Variants in SLIT2 observed in about 807,000 individuals in gnomAD.
SLIT2 encodes slit homolog 2 protein.
In SLIT2, 41 loss-of-function variants were observed where a neutral mutation model predicts 185.7. The observed-to-expected ratio is 0.22, with a 90% CI of 0.17 to 0.29. SLIT2 has a LOEUF of 0.29. Among genes scored for constraint, SLIT2 ranks in the 10% least tolerant of loss-of-function variants. The pLI is 1.00. For missense variants in SLIT2, 1,571 were observed against 1,909.0 expected (o/e 0.82, Z 3.30); for synonymous variants, 693 against 680.2 (o/e 1.02, Z -0.29).
chr4:20,538,819 T>C (rs953844889), intron 18 of SLIT2, among the ~76,000 whole-genome samples: 16 of 151,764 alleles, frequency 1.1e-4, no homozygotes, highest in Admixed American at 3.9e-4. Context: ...ATGGTAAACC[T>C]TTTAAAACTT....
chr4:20,418,209 C>T (rs1727862261), intron 4 of SLIT2, among the ~76,000 whole-genome samples: 2 of 152,140 alleles, frequency 1.3e-5, no homozygotes. Context: ...GCTTTTTTCA[C>T]TTCGGCTGTT....
At chr4:20,396,347 A>G (rs1175953491) in intron 4 of SLIT2, among the ~76,000 whole-genome samples, 3 of 151,906 alleles carry the variant, frequency 2.0e-5, no homozygotes, top group African/African-American at 7.2e-5. Context: ...TGGTAATCAT[A>G]TAGCTCATTA....
At chr4:20,552,692 C>G (rs933226215) in intron 25 of SLIT2, 1 of 151,996 alleles carries the variant, frequency 6.6e-6, no homozygotes, top group Admixed American at 6.6e-5. Context: ...TCCACAGTAT[C>G]GAGTATTATG....
chr4:20,531,512 G>A (rs1399852751), intron 16 of SLIT2, among the ~76,000 whole-genome samples: 2 of 152,152 alleles, frequency 1.3e-5, no homozygotes, highest in Admixed American at 1.3e-4. Context: ...GTTTCTTTTG[G>A]GGGTAATGAA....
At chr4:20,478,069 T>C (rs1378501271) in intron 5 of SLIT2, among the ~76,000 whole-genome samples, 1 of 152,200 alleles carries the variant, frequency 6.6e-6, no homozygotes, top group Non-Finnish European at 1.5e-5. Flanking sequence ...ACTGTTTATC[T>C]TGAACCATAT....
intron 4 of SLIT2, among the ~76,000 whole-genome samples, chr4:20,345,833 C>T (rs1020013738): frequency 6.6e-6 from 1 of 152,020 alleles, no homozygotes; most frequent in Non-Finnish European, 1.5e-5. Context: ...CACGTCTGGC[C>T]TGAAATACTT....
intron 4 of SLIT2, among the ~76,000 whole-genome samples, chr4:20,346,109 C>T (rs1056068117): frequency 5.9e-5 from 9 of 152,130 alleles, no homozygotes; most frequent in South Asian, 2.1e-4. Context: ...TCTCCCATCT[C>T]GGCCTCCCAA....
At position 20,498,782 on chromosome 4, in the gene SLIT2, C is replaced by G. The variant is rs79397098; in HGVS notation, c.914+6883C>G. On this transcript the variant is annotated intron_variant, in intron 9 of 36. Coordinates refer to ENST00000504154, the MANE Select transcript of SLIT2 (RefSeq NM_004787.4). ...TTTATGGCTGTATATTCTACCGTGT[C>G]ACATATGTTCCACATTTTCTTTATT... Among the ~76,000 whole-genome samples the G allele has an allele frequency of 0.01, 1,532 of 152,206 alleles. 57 individuals carry two copies. In the East Asian group the frequency reaches 0.15, roughly 15 times the overall value.
chr4:20,260,450 A>G (rs1346166770), intron 3 of SLIT2, among the ~76,000 whole-genome samples: 1 of 151,844 alleles, frequency 6.6e-6, no homozygotes, highest in Non-Finnish European at 1.5e-5. Context: ...TATTCCTTGT[A>G]TGAAGAACAA....
chr4:20,422,678 CAT>C (rs1485449359), intron 4 of SLIT2, among the ~76,000 whole-genome samples: 5 of 152,082 alleles, frequency 3.3e-5, no homozygotes, highest in African/African-American at 9.7e-5. Context: ...TCTGAGAAGA[CAT>C]TTGCACAGTG....
At chr4:20,300,170 A>G (rs995919337) in intron 4 of SLIT2, among the ~76,000 whole-genome samples, 2 of 152,090 alleles carry the variant, frequency 1.3e-5, no homozygotes, top group East Asian at 1.9e-4. Context: ...ACTCTATTAT[A>G]TGACTTTTTT....
intron 9 of SLIT2, among the ~76,000 whole-genome samples, chr4:20,503,698 T>G (rs1718944384): frequency 6.6e-6 from 1 of 152,180 alleles, no homozygotes; most frequent in Non-Finnish European, 1.5e-5. Context: ...ATTTTTGTCT[T>G]GCCTTAAATG....
chr4:20,402,772 G>A (rs1002993551), intron 4 of SLIT2, among the ~76,000 whole-genome samples: 2 of 151,596 alleles, frequency 1.3e-5, no homozygotes, highest in South Asian at 2.1e-4. Flanking sequence ...TTAAAGCGTG[G>A]TAAAGGATTT....
chr4:20,524,284 T>A, intron 14 of SLIT2, 107 bp downstream of exon 14: 2 of 944,982 alleles, frequency 2.1e-6, no homozygotes, highest in Non-Finnish European at 3.2e-6. Context: ...TAGAATCATA[T>A]TTCTTTTTCT....
chr4:20,516,338 T>C (rs1720215495), intron 11 of SLIT2, among the ~76,000 whole-genome samples: 1 of 149,646 alleles, frequency 6.7e-6, no homozygotes, highest in South Asian at 2.1e-4. Flanking sequence ...ATGTATATTG[T>C]ACACATATAA....
At chr4:20,294,050 A>G (rs1716230731) in intron 4 of SLIT2, among the ~76,000 whole-genome samples, 1 of 151,996 alleles carries the variant, frequency 6.6e-6, no homozygotes, top group Non-Finnish European at 1.5e-5. Flanking sequence ...TTGTCTTTAG[A>G]AAGTACCCAC....
intron 26 of SLIT2, among the ~76,000 whole-genome samples, chr4:20,565,240 G>A (rs1426550672): frequency 6.6e-6 from 1 of 151,896 alleles, no homozygotes; most frequent in Non-Finnish European, 1.5e-5. Flanking sequence ...TTTTCTCGAG[G>A]CCGTGGGATG....
At chr4:20,487,344 A>G (rs1209335864) in intron 7 of SLIT2, among the ~76,000 whole-genome samples, 1 of 152,184 alleles carries the variant, frequency 6.6e-6, no homozygotes, top group African/African-American at 2.4e-5. Context: ...ACTCAAAACT[A>G]TAATTTCCCA....
At chr4:20,574,282 C>T (rs1277364205) in intron 29 of SLIT2, among the ~76,000 whole-genome samples, 1 of 151,980 alleles carries the variant, frequency 6.6e-6, no homozygotes, top group Non-Finnish European at 1.5e-5. Context: ...GAGTGATAGC[C>T]ATGTCTGGGA....
Sources: allele counts gnomAD v4.1 joint callset (sites outside exome capture counted in the v4.1 genomes callset), GRCh38; gene constraint gnomAD v4.1.1; transcripts MANE v1.5; gene names NCBI Gene and HGNC (gene_info 2026-07-23, HGNC 2026-07-21).